LYZL2: variants seen among roughly 807,000 people sequenced by gnomAD.
The protein encoded by LYZL2 is lysozyme like 2, also known as lysozyme-like protein 2.
LYZL2 carries 13 observed loss-of-function variants against 17.1 expected under a neutral mutation model. That is an observed-to-expected ratio of 0.76 (90% confidence interval 0.49 to 1.21). LYZL2 has a LOEUF of 1.21. LYZL2 is among the 50% of genes most tolerant of loss of function. The pLI is 0.00. For missense variants in LYZL2, 166 were observed against 189.2 expected, an observed-to-expected ratio of 0.88 and a Z score of 0.72; for synonymous variants, 63 against 74.4, an observed-to-expected ratio of 0.85 and a Z score of 0.79.
In LYZL2 at chr10:30,626,262, C is replaced by A. The variant is rs1588678836; in HGVS notation, c.141G>T (p.Trp47Cys). 6.2e-7 allele frequency: 1 copy of A among 1,613,482 alleles called. No homozygotes were observed. The highest frequency in any genetic ancestry group is 1.7e-5 in the Admixed American group (1 of 59,882). Residue 47 changes from tryptophan (W) to cysteine (C), a missense_variant and splice_region_variant, in exon 3 of 5, where the codon TGG becomes TGT. Trp to Cys is a radical substitution (Grantham distance 215). Coordinates refer to ENST00000647634, the MANE Select transcript of LYZL2 (RefSeq NM_183058.3). ...CGCTCTCATAATACGCCATGCAGAT[C>A]CCTGGAGGGGGGAAAGCCAGAAACG... The part of the protein sequence containing the change: ...DNYWGFSLGN[W>C]ICMAYYESGY...
At chr10:30,618,681 T>G (rs1313263866) in intron 3 of LYZL2, among the ~76,000 whole-genome samples, 3 of 152,172 alleles carry the variant, frequency 2.0e-5, no homozygotes, top group Non-Finnish European at 2.9e-5. Flanking sequence ...TAATTCAAGA[T>G]GGACTAAAGA....
intron 1 of LYZL2, 87 bp from the exon 2 acceptor site, chr10:30,627,027 G>A (rs1302716091): frequency 5.8e-6 from 9 of 1,546,966 alleles, no homozygotes; most frequent in African/African-American, 2.7e-5. Flanking sequence ...GCCCTGCCTA[G>A]ATGCTGCCTG....
chr10:30,610,970 A>G (rs1036883359), downstream of LYZL2, among the ~76,000 whole-genome samples: 7 of 152,048 alleles, frequency 4.6e-5, no homozygotes, highest in South Asian at 6.2e-4. Context: ...GCATACATCG[A>G]TGGTCCTTCT....
chr10:30,606,301 CTGGTACAAAATCATAGAGAAG>C, the LYZL2 span, among the ~76,000 whole-genome samples: 2 of 151,698 alleles, frequency 1.3e-5, no homozygotes, highest in African/African-American at 4.9e-5. Context: ...TAGAAATCAC[CTGGTACAAAATCATAGAGAAG>C]GAAAAATACC....
intron 3 of LYZL2, among the ~76,000 whole-genome samples, chr10:30,624,194 A>C (rs1488645706): frequency 6.6e-6 from 1 of 152,190 alleles, no homozygotes; most frequent in Non-Finnish European, 1.5e-5. Context: ...CTGTGCACTC[A>C]GAGGCCAACA....
chr10:30,610,565 G>A (rs1032088943), downstream of LYZL2, among the ~76,000 whole-genome samples: 5 of 152,066 alleles, frequency 3.3e-5, no homozygotes, highest in Non-Finnish European at 5.9e-5. Flanking sequence ...GAAAGGAGAC[G>A]GAGAGCATTA....
At chr10:30,625,705 A>C (rs972805887) in intron 3 of LYZL2, among the ~76,000 whole-genome samples, 4 of 152,182 alleles carry the variant, frequency 2.6e-5, no homozygotes, top group Non-Finnish European at 2.9e-5. Flanking sequence ...AAAGAGAAAG[A>C]AACGTAAATT....
chr10:30,628,029 A>G (rs1384153374), intron 1 of LYZL2, among the ~76,000 whole-genome samples: 7 of 152,154 alleles, frequency 4.6e-5, no homozygotes, highest in East Asian at 1.9e-4. Context: ...GTGTGGTGGC[A>G]TGTGTCTGTA....
chr10:30,626,098 G>C lies in LYZL2; in HGVS notation c.298+7C>G. 6.2e-7 allele frequency: 1 copy of C among 1,612,690 alleles called. No homozygotes were observed. The highest frequency in any genetic ancestry group is 8.5e-7 in the Non-Finnish European group (1 of 1,179,100). On this transcript the variant is annotated splice_region_variant and intron_variant, in intron 3 of 4. Coordinates refer to ENST00000647634, the MANE Select transcript of LYZL2 (RefSeq NM_183058.3). ...AGGATGGCATCACTGGAAAGTCAGA[G>C]CCTCACCTGAGCAGGCGACGTGGCA...
At chr10:30,617,198 CT>C (rs1311120205) in intron 3 of LYZL2, among the ~76,000 whole-genome samples, 1 of 152,118 alleles carries the variant, frequency 6.6e-6, no homozygotes, top group Non-Finnish European at 1.5e-5. Context: ...CACATTTGTA[CT>C]GGGGGCAGGG....
At chr10:30,628,138 CG>C (rs1564411322) in intron 1 of LYZL2, among the ~76,000 whole-genome samples, 1 of 151,384 alleles carries the variant, frequency 6.6e-6, no homozygotes, top group Non-Finnish European at 1.5e-5. Flanking sequence ...CCAGCCTGGG[CG>C]ACAGAGCGAG....
Position 30,629,696 on chromosome 10 carries a change from C to T in LYZL2, c.-129G>A, listed in dbSNP as rs758109051. 8.1e-5 allele frequency: 131 copies of T among 1,610,952 alleles called. No homozygotes were observed. The highest frequency in any genetic ancestry group is 1.0e-4 in the Non-Finnish European group (122 of 1,177,812). On this transcript the variant is annotated 5_prime_UTR_variant, in exon 1 of 5. Transcript: ENST00000647634. ...GTCGGTGACAGGCAGCTCAGGGGAG[C>T]GTCCTGCATCCCCTGAAGCCATGTC... is the stretch of plus-strand genomic sequence containing the variant.
intron 3 of LYZL2, 141 bp from the exon 4 acceptor site, chr10:30,613,041 T>C: frequency 1.6e-6 from 1 of 638,570 alleles, no homozygotes; most frequent in Non-Finnish European, 2.8e-6. Flanking sequence ...AGCCACAATC[T>C]CATTTCTGTT....
chr10:30,612,983 A>T, intron 3 of LYZL2, 83 bp from the exon 4 acceptor site: 2 of 1,073,358 alleles, frequency 1.9e-6, no homozygotes, highest in Non-Finnish European at 2.8e-6. Flanking sequence ...CATTTTTCTC[A>T]GTCTTTTTGG....
Position 30,626,175 on chromosome 10 carries a change from C to T in LYZL2, c.228G>A (p.Gln76=), listed in dbSNP as rs747956839. 6.2e-7 allele frequency: 1 copy of T among 1,614,038 alleles called. No individual in the cohort carries two copies. The highest frequency in any genetic ancestry group is 1.3e-5 in the African/African-American group (1 of 74,948). Residue 76 remains glutamine, a synonymous_variant, in exon 3 of 5, where the codon CAG becomes CAA. Coordinates refer to ENST00000647634, the MANE Select transcript of LYZL2 (RefSeq NM_183058.3). The part of the protein sequence containing the change: ...DDGSIDYGIF[Q]INSFAWCRRG... Reference sequence around the variant, plus strand: ...GTCTGCACCACGCGAAGCTGTTGATCTGGAAGATGCCGTAGTCGATGCTGC... The same window carrying T: ...GTCTGCACCACGCGAAGCTGTTGATTTGGAAGATGCCGTAGTCGATGCTGC...
chr10:30,607,820 C>G (rs529832482), downstream of LYZL2, among the ~76,000 whole-genome samples: 1 of 152,168 alleles, frequency 6.6e-6, no homozygotes, highest in Non-Finnish European at 1.5e-5. Context: ...AAGAACTGCT[C>G]TCAGCCTGAG....
chr10:30,626,058 T>C, intron 3 of LYZL2, 47 bp downstream of exon 3: 6 of 1,581,722 alleles, frequency 3.8e-6, no homozygotes, highest in Non-Finnish European at 5.2e-6. Flanking sequence ...TTGTCGGCTT[T>C]CTCACCTGGT....
downstream of LYZL2, among the ~76,000 whole-genome samples, chr10:30,608,916 T>C (rs1838402801): frequency 6.6e-6 from 1 of 152,146 alleles, no homozygotes. Flanking sequence ...CATAGTTCAC[T>C]GAAGCCTGAA....
intron 1 of LYZL2, among the ~76,000 whole-genome samples, chr10:30,629,126 C>T (rs777063205): frequency 7.2e-5 from 11 of 152,242 alleles, no homozygotes; most frequent in Non-Finnish European, 7.4e-5. Context: ...GGCATGGTGG[C>T]CCACACCTGT....
Sources: gnomAD v4.1 joint callset for allele counts (sites outside exome capture counted in the v4.1 genomes callset) on GRCh38, gnomAD v4.1.1 for gene constraint, MANE v1.5 for transcripts, NCBI Gene and HGNC (gene_info 2026-07-23, HGNC 2026-07-21) for gene names.